The following MTMR10 variants were observed in gnomAD, a reference collection of about 807,000 sequenced individuals.
MTMR10 encodes myotubularin-related protein 10.
Under a neutral mutation model 88.1 loss-of-function variants are expected in MTMR10, and 56 were observed. That is an observed-to-expected ratio of 0.64 (90% confidence interval 0.51 to 0.79). The LOEUF (loss-of-function observed/expected upper bound fraction) is 0.79. MTMR10 is among the 30% of genes least tolerant of loss of function. The pLI is 0.00. For synonymous variants in MTMR10, 380 were observed against 340.9 expected, an observed-to-expected ratio of 1.11 and a Z score of -1.26; for missense variants, 883 against 924.7, an observed-to-expected ratio of 0.95 and a Z score of 0.58.
Position 30,941,632 on chromosome 15 carries a change from G to GTGA in MTMR10, c.2169_2171dup (p.His725dup). The GTGA allele has an allele frequency of 6.2e-7, 1 of 1,607,736 alleles. No homozygotes were observed. Among genetic ancestry groups the GTGA allele is most frequent in the Non-Finnish European group, 8.5e-7 (1 of 1,176,984 alleles). ...CCGGTGTCCCCGAGGTGTCGGTGTGGTGAGGGCCGCTGGCGTTGAAGTACA... is the reference window on the plus strand; with the variant it reads ...CCGGTGTCCCCGAGGTGTCGGTGTGGTGATGAGGGCCGCTGGCGTTGAAGTACA... On this transcript the variant is annotated inframe_insertion, in exon 16 of 16. Coordinates refer to ENST00000435680, the MANE Select transcript of MTMR10 (RefSeq NM_017762.3).
chr15:30,959,401 G>A (rs757018085), intron 7 of MTMR10, among the ~76,000 whole-genome samples: 2 of 152,198 alleles, frequency 1.3e-5, no homozygotes, highest in South Asian at 4.1e-4. Flanking sequence ...ACATGTATGT[G>A]TTCACTGAAA....
rs570642909 is a variant in MTMR10 at position 30,977,539 on chromosome 15, T to C, written c.122-584A>G. On this transcript the variant is annotated intron_variant, in intron 2 of 15. Coordinates refer to ENST00000435680, the MANE Select transcript of MTMR10 (RefSeq NM_017762.3). ...AAAAGAAATAAATATAAGAAACCAA[T>C]ATAAAAGTTATAATGTACTTTTGAA... Among the ~76,000 whole-genome samples the C allele has an allele frequency of 1.8e-3, 272 of 152,310 alleles. 2 individuals carry two copies. Among genetic ancestry groups the C allele is most frequent in the African/African-American group, 6.2e-3 (257 of 41,566 alleles).
In MTMR10 at chr15:30,952,007, A is replaced by G. The variant is rs780449179; in HGVS notation, c.1168T>C (p.Tyr390His). 3.1e-6 allele frequency: 5 copies of G among 1,613,910 alleles called. No individual in the cohort carries two copies. In the East Asian group the frequency reaches 8.9e-5, roughly 29 times the overall value. ...GAGAGATGTTTGCTTTCTAGCATGT[A>G]TACAAGTTCTGCTGAATGCTTAAGG... ...AFLKHSAELV[Y>H]MLESKHLSVV... Residue 390 changes from tyrosine (Y) to histidine (H), a missense_variant, in exon 12 of 16, where the codon TAC becomes CAC. Transcript: ENST00000435680.
Position 30,941,703 on chromosome 15 carries a change from T to C in MTMR10, c.2101A>G (p.Ser701Gly), listed in dbSNP as rs761904524. The stretch of plus-strand genomic sequence containing the variant: ...CCATAGCAGGCCTCCAGGGGGCCAC[T>C]GCGCTGTTGCCGCAGCATCCTGCTC... ...VLSRMLRQQR[S>G]GPLEACYGEL... The change falls in exon 16 of 16, where the codon AGT (serine) becomes GGT (glycine). Residue 701 changes from serine (S) to glycine (G), a missense_variant. Coordinates refer to ENST00000435680, the MANE Select transcript of MTMR10 (RefSeq NM_017762.3). 3.7e-6 allele frequency: 6 copies of C among 1,613,912 alleles called. No individual in the cohort carries two copies. The highest frequency in any genetic ancestry group is 5.1e-6 in the Non-Finnish European group (6 of 1,179,838).
intron 5 of MTMR10, 165 bp from the exon 6 acceptor site, chr15:30,968,175 G>A (rs989776042): frequency 4.4e-6 from 2 of 459,532 alleles, no homozygotes; most frequent in Non-Finnish European, 7.7e-6. Flanking sequence ...TTAAGGCCAG[G>A]TATCTCATTC....
intron 2 of MTMR10, among the ~76,000 whole-genome samples, chr15:30,984,323 G>A (rs1190052622): frequency 1.3e-5 from 2 of 152,140 alleles, no homozygotes; most frequent in Non-Finnish European, 2.9e-5. Flanking sequence ...CATTCCTAAG[G>A]CTCTACGGGT....
At chr15:30,952,392 C>G (rs973106919) in intron 11 of MTMR10, among the ~76,000 whole-genome samples, 12 of 152,192 alleles carry the variant, frequency 7.9e-5, no homozygotes, top group Non-Finnish European at 1.5e-5. Flanking sequence ...AAGAGACAGG[C>G]TCTCATTTTG....
the MTMR10 span, chr15:30,928,506 T>TGTGTG: frequency 2.1e-5 from 31 of 1,484,618 alleles, no homozygotes; most frequent in Middle Eastern, 3.9e-4. Context: ...AAAACAGATT[T>TGTGTG]TGTGTGTGTG....
At chr15:30,987,880 A>AC (rs2031049958) in intron 2 of MTMR10, among the ~76,000 whole-genome samples, 1 of 139,038 alleles carries the variant, frequency 7.2e-6, no homozygotes, top group Non-Finnish European at 1.6e-5. Context: ...CACCCCCAAC[A>AC]CCCCCGACAG....
At chr15:30,922,206 A>G in the MTMR10 span, 2 of 1,597,496 alleles carry the variant, frequency 1.3e-6, no homozygotes, top group East Asian at 2.2e-5. Flanking sequence ...TGTGAATCTA[A>G]TGAGGTTTCT....
At chr15:30,965,908 A>G (rs2063466946) in intron 6 of MTMR10, 2 of 372,714 alleles carry the variant, frequency 5.4e-6, no homozygotes, top group Non-Finnish European at 1.1e-5. Context: ...AATCCAGCCA[A>G]TGAATCAAGG....
chr15:30,985,126 G>C (rs1323267839), intron 2 of MTMR10, among the ~76,000 whole-genome samples: 1 of 152,158 alleles, frequency 6.6e-6, no homozygotes, highest in Non-Finnish European at 1.5e-5. Context: ...CCTGGGGTGA[G>C]AAGAGAGCAA....
chr15:30,986,891 G>A (rs892451640), intron 2 of MTMR10, among the ~76,000 whole-genome samples: 1 of 152,294 alleles, frequency 6.6e-6, no homozygotes, highest in Admixed American at 6.5e-5. Flanking sequence ...CATCCTCACC[G>A]AACCGATCCA....
chr15:30,945,342 GA>G (rs1183626100), intron 14 of MTMR10, among the ~76,000 whole-genome samples: 2 of 152,174 alleles, frequency 1.3e-5, no homozygotes, highest in Non-Finnish European at 2.9e-5. Flanking sequence ...AATACTTGTA[GA>G]AAGTATTTTT....
chr15:30,948,760 T>C, intron 12 of MTMR10: 1 of 455,416 alleles, frequency 2.2e-6, no homozygotes, highest in South Asian at 2.5e-5. Flanking sequence ...AAAATCCGTC[T>C]AGACTCCATT....
At chr15:30,924,840 T>C in the MTMR10 span, among the ~76,000 whole-genome samples, 19 of 152,152 alleles carry the variant, frequency 1.2e-4, no homozygotes, top group Non-Finnish European at 2.6e-4. Context: ...CAGGTACCCC[T>C]GAGGTTCACA....
the MTMR10 span, among the ~76,000 whole-genome samples, chr15:30,923,598 A>G: frequency 6.6e-6 from 1 of 152,212 alleles, no homozygotes; most frequent in African/African-American, 2.4e-5. Context: ...TAATTCCTGC[A>G]AAGTGCTCTG....
At position 30,961,093 on chromosome 15, in the gene MTMR10, T is replaced by C. The variant is rs906611247; in HGVS notation, c.566-20A>G. ...TGTTTGCTGTAGGAAAAAGCAACAT[T>C]ATGAATTTTAACAGTCACATTTTCC... On this transcript the variant is annotated intron_variant, in intron 6 of 15. Coordinates refer to ENST00000435680, the MANE Select transcript of MTMR10 (RefSeq NM_017762.3). The C allele has an allele frequency of 6.4e-5, 98 of 1,535,904 alleles. 1 individual carries two copies. The East Asian group carries it at 2.4e-3, about 37-fold the overall frequency.
At chr15:30,953,257 G>T (rs1444316605) in intron 11 of MTMR10, among the ~76,000 whole-genome samples, 1 of 152,186 alleles carries the variant, frequency 6.6e-6, no homozygotes, top group Non-Finnish European at 1.5e-5. Flanking sequence ...GCCTTGTCAT[G>T]GAACAGGTCT....
Sources: allele counts gnomAD v4.1 joint callset (sites outside exome capture counted in the v4.1 genomes callset), GRCh38; gene constraint gnomAD v4.1.1; transcripts MANE v1.5; gene names NCBI Gene and HGNC (gene_info 2026-07-23, HGNC 2026-07-21).